The following ZNF567 variants were observed in gnomAD, a reference collection of about 807,000 sequenced individuals.
The protein encoded by ZNF567 is zinc finger protein 567.
ZNF567 carries 36 observed loss-of-function variants against 53.9 expected under a neutral mutation model. The observed-to-expected ratio is 0.67, with a 90% CI of 0.51 to 0.88. The LOEUF is 0.88. ZNF567 is among the 40% of genes least tolerant of loss of function. The probability of loss-of-function intolerance (pLI) is 0.00; values close to 1 mark genes in which losing one functional copy is unlikely to be tolerated. For missense variants in ZNF567, 619 were observed against 764.7 expected (o/e 0.81, Z 2.25); for synonymous variants, 224 against 260.4 (o/e 0.86, Z 1.35).
chr19:36,722,914 A>G (rs1035644752), downstream of ZNF567, among the ~76,000 whole-genome samples: 1 of 152,194 alleles, frequency 6.6e-6, no homozygotes, highest in African/African-American at 2.4e-5. Context: ...ATGACTAGAC[A>G]TGTCATTAAA....
At chr19:36,695,938 G>A (rs2038863127) in intron 3 of ZNF567, among the ~76,000 whole-genome samples, 1 of 152,146 alleles carries the variant, frequency 6.6e-6, no homozygotes. Flanking sequence ...GTCTTGTGTT[G>A]AGGCTTTGAG....
chr19:36,698,235 C>T (rs1303904138), intron 3 of ZNF567, among the ~76,000 whole-genome samples: 1 of 151,982 alleles, frequency 6.6e-6, no homozygotes, highest in Non-Finnish European at 1.5e-5. Context: ...TCATCCATGT[C>T]CCTACAAAGG....
intron 5 of ZNF567, among the ~76,000 whole-genome samples, chr19:36,713,172 A>G (rs937877392): frequency 6.6e-6 from 1 of 151,932 alleles, no homozygotes; most frequent in Non-Finnish European, 1.5e-5. Context: ...AAATTAGCCA[A>G]GGTTGGGTGT....
intron 2 of ZNF567, among the ~76,000 whole-genome samples, chr19:36,693,010 G>T (rs2038699829): frequency 6.6e-6 from 1 of 152,002 alleles, no homozygotes; most frequent in African/African-American, 2.4e-5. Flanking sequence ...GGAGTAGGCG[G>T]TATGTGGTGG....
At chr19:36,712,161 C>T (rs766647432) in intron 3 of ZNF567, 17 of 409,164 alleles carry the variant, frequency 4.2e-5, no homozygotes, top group Non-Finnish European at 7.8e-5. Context: ...ATTCTCCTGC[C>T]TCAGCCTCCC....
At chr19:36,709,607 G>A (rs574717689) in intron 3 of ZNF567, among the ~76,000 whole-genome samples, 2 of 147,824 alleles carry the variant, frequency 1.4e-5, no homozygotes, top group African/African-American at 2.5e-5. Context: ...CCGGATTACA[G>A]AAGTAAGCCA....
At chr19:36,712,712 C>T in intron 4 of ZNF567, 69 bp from the exon 5 acceptor site, 1 of 1,487,774 alleles carries the variant, frequency 6.7e-7, no homozygotes, top group Non-Finnish European at 9.3e-7. Flanking sequence ...CAGTACTGAA[C>T]ATGCCCCTTT....
At chr19:36,694,530 A>G (rs2038780320) in intron 2 of ZNF567, among the ~76,000 whole-genome samples, 1 of 152,186 alleles carries the variant, frequency 6.6e-6, no homozygotes, top group Non-Finnish European at 1.5e-5. Context: ...GAAGTAGTTA[A>G]TAACAGTAGG....
chr19:36,692,780 A>G (rs1299849109), intron 2 of ZNF567, among the ~76,000 whole-genome samples: 1 of 152,154 alleles, frequency 6.6e-6, no homozygotes, highest in Non-Finnish European at 1.5e-5. Flanking sequence ...TATTTTTGCA[A>G]GCTTCTGTGG....
intron 2 of ZNF567, among the ~76,000 whole-genome samples, chr19:36,690,674 C>T (rs1044389776): frequency 6.6e-6 from 1 of 152,152 alleles, no homozygotes. Flanking sequence ...GGCATGCATT[C>T]TTTTGGAGTT....
chr19:36,696,436 C>T (rs1300193636), intron 3 of ZNF567, among the ~76,000 whole-genome samples: 11 of 152,158 alleles, frequency 7.2e-5, no homozygotes, highest in Non-Finnish European at 8.8e-5. Context: ...AGCTAGATAT[C>T]GCCACCTACA....
chr19:36,707,421 T>A lies in ZNF567; in HGVS notation c.10-4965T>A, dbSNP rs1351456027. The stretch of plus-strand genomic sequence containing the variant: ...GTTCACTGATCTTTTCTTTCTTCAA[T>A]GTGTAATCTGTTGTTACTACCACCC... On this transcript the variant is annotated intron_variant, in intron 3 of 5. Coordinates refer to ENST00000682579, the MANE Select transcript of ZNF567 (RefSeq NM_001322917.1). Among the ~76,000 whole-genome samples, 80 of 152,234 alleles carry A rather than the reference T, an allele frequency of 5.3e-4. 1 individual carries two copies. Among genetic ancestry groups the A allele is most frequent in the Non-Finnish European group, 1.8e-4 (12 of 68,040 alleles).
At chr19:36,715,087 C>A (rs1265122535) in intron 5 of ZNF567, among the ~76,000 whole-genome samples, 8 of 152,146 alleles carry the variant, frequency 5.3e-5, no homozygotes, top group Non-Finnish European at 1.2e-4. Flanking sequence ...ATCATCTCAC[C>A]TATTTTCTGA....
intron 3 of ZNF567, among the ~76,000 whole-genome samples, chr19:36,697,099 C>T (rs1033828549): frequency 6.6e-6 from 1 of 152,088 alleles, no homozygotes; most frequent in African/African-American, 2.4e-5. Flanking sequence ...GAATAATAAT[C>T]ATTAATGCTA....
At chr19:36,703,522 T>C (rs1161789781) in intron 3 of ZNF567, among the ~76,000 whole-genome samples, 1 of 152,174 alleles carries the variant, frequency 6.6e-6, no homozygotes, top group East Asian at 1.9e-4. Flanking sequence ...GTCTGTGCCC[T>C]GCCCCCAGAG....
At chr19:36,670,930 C>G in the ZNF567 span, among the ~76,000 whole-genome samples, 1 of 152,092 alleles carries the variant, frequency 6.6e-6, no homozygotes, top group Non-Finnish European at 1.5e-5. Context: ...GGCAAAACCC[C>G]GTCTCTACTA....
chr19:36,712,250 C>A, intron 3 of ZNF567, 136 bp from the exon 4 acceptor site: 1 of 781,024 alleles, frequency 1.3e-6, no homozygotes, highest in Non-Finnish European at 2.0e-6. Context: ...GTTTCACCAT[C>A]TTGGCCAGGG....
At chr19:36,700,351 C>A (rs1428376089) in intron 3 of ZNF567, among the ~76,000 whole-genome samples, 1 of 149,146 alleles carries the variant, frequency 6.7e-6, no homozygotes, top group East Asian at 2.0e-4. Context: ...ATTTTTGCAT[C>A]AATGTTCATC....
downstream of ZNF567, among the ~76,000 whole-genome samples, chr19:36,721,512 G>C (rs1478424649): frequency 6.6e-6 from 1 of 152,090 alleles, no homozygotes; most frequent in Non-Finnish European, 1.5e-5. Flanking sequence ...TCATGGACAT[G>C]TGAATGCAGT....
Sources: allele counts gnomAD v4.1 joint callset (sites outside exome capture counted in the v4.1 genomes callset), GRCh38; gene constraint gnomAD v4.1.1; transcripts MANE v1.5; gene names NCBI Gene and HGNC (gene_info 2026-07-23, HGNC 2026-07-21).